TNFSF12: variants seen among roughly 807,000 people sequenced by gnomAD.
The protein encoded by TNFSF12 is TNF superfamily member 12, also known as tumor necrosis factor ligand superfamily member 12.
TNFSF12 carries 16 observed loss-of-function variants against 31.2 expected under a neutral mutation model. The ratio of observed to expected loss-of-function variants is 0.51; its 90% confidence interval spans 0.35 to 0.78. The LOEUF is 0.78. TNFSF12 is among the 30% of genes least tolerant of loss of function. TNFSF12 has a pLI of 0.01. For synonymous variants in TNFSF12, 150 were observed against 151.4 expected, an observed-to-expected ratio of 0.99 and a Z score of 0.07; for missense variants, 324 against 338.8, an observed-to-expected ratio of 0.96 and a Z score of 0.34.
intron 5 of TNFSF12, among the ~76,000 whole-genome samples, chr17:7,553,045 T>C (rs1457641637): frequency 1.6e-4 from 14 of 85,970 alleles, no homozygotes; most frequent in Admixed American, 1.1e-3. Context: ...TTTTTTTTTT[T>C]TTTTTTTTTT....
chr17:7,554,831 A>ATG, intron 5 of TNFSF12, among the ~76,000 whole-genome samples: 2 of 149,926 alleles, frequency 1.3e-5, no homozygotes, highest in South Asian at 4.2e-4. Context: ...GTTAGCCAGG[A>ATG]GCGTCTCGAT....
rs979617114 is a variant in TNFSF12, at chr17:7,549,415, G to A, written c.160-59G>A. 5 of 1,444,342 alleles carry A rather than the reference G, an allele frequency of 3.5e-6. No individual in the cohort carries two copies. Among genetic ancestry groups the A allele is most frequent in the Non-Finnish European group, 3.7e-6 (4 of 1,084,174 alleles). 89.5% of individuals were successfully genotyped at this position (1,444,342 alleles called of 1,614,324 possible). ...CTGAAGGCAAGGGGAAGGGAGGATGGGTGGAGGGTGAGATGTCAGGTGGAG... is the reference window on the plus strand; with the variant it reads ...CTGAAGGCAAGGGGAAGGGAGGATGAGTGGAGGGTGAGATGTCAGGTGGAG... On this transcript the variant is annotated intron_variant, in intron 1 of 6. Coordinates refer to ENST00000293825, the MANE Select transcript of TNFSF12 (RefSeq NM_003809.3). This position sits in a 1 kb window ranked among gnomAD's most constrained non-coding sequence, Gnocchi z 4.1.
At chr17:7,554,070 A>G (rs1287003653) in intron 5 of TNFSF12, among the ~76,000 whole-genome samples, 1 of 152,194 alleles carries the variant, frequency 6.6e-6, no homozygotes, top group East Asian at 1.9e-4. Flanking sequence ...GCTCCTGGGC[A>G]CACCATGCCC....
In TNFSF12 at chr17:7,553,730, GGGCC is replaced by G; in HGVS notation, c.373+2753_373+2756del. ...GTGCAGGGGTGAGGGGTCCATGCAG[GGGCC>G]ACATCCAAAAAGGGGAGAGGGAAGT... On this transcript the variant is annotated intron_variant, in intron 5 of 6. Transcript: ENST00000293825. 5 of 1,255,314 alleles carry G rather than the reference GGGCC, an allele frequency of 4.0e-6. No homozygotes were observed. In the Admixed American group the frequency reaches 8.0e-5, roughly 20 times the overall value. The allele number at this position is 1,255,314 out of a possible 1,614,324, so 77.8% of individuals were successfully genotyped here.
chr17:7,555,973 G>GTTTGTTTTTT (rs1555564688), intron 5 of TNFSF12, among the ~76,000 whole-genome samples: 4 of 70,876 alleles, frequency 5.6e-5, no homozygotes, highest in African/African-American at 2.3e-4. Flanking sequence ...CCCAGTGAGC[G>GTTTGTTTTTT]TTTTTTTTGT....
Position 7,549,157 on chromosome 17 carries a change from G to T in TNFSF12, c.4G>T (p.Ala2Ser). The T allele has an allele frequency of 7.8e-7, 1 of 1,280,062 alleles. No individual in the cohort carries two copies. The highest frequency in any genetic ancestry group is 9.8e-7 in the Non-Finnish European group (1 of 1,016,046). The allele number at this position is 1,280,062 out of a possible 1,614,324, so 79.3% of individuals were successfully genotyped here. A position where few individuals can be genotyped will look rare whatever the true frequency, so the allele number is the denominator to read the frequency against. ...GCAGGCACAGCCCCCCGCCCCCATG[G>T]CCGCCCGTCGGAGCCAGAGGCGGAG... Reference protein sequence around the residue: MAARRSQRRRGR... With the variant: MSARRSQRRRGR... Residue 2 changes from alanine to serine, a missense_variant, in exon 1 of 7, where the codon GCC becomes TCC. Transcript: ENST00000293825. This position sits in a 1 kb window ranked among gnomAD's most constrained non-coding sequence, Gnocchi z 4.1.
chr17:7,549,164 G>T lies in TNFSF12; in HGVS notation c.11G>T (p.Arg4Leu). The T allele has an allele frequency of 7.8e-7, 1 of 1,283,116 alleles. No individual in the cohort carries two copies. The highest frequency in any genetic ancestry group is 9.8e-7 in the Non-Finnish European group (1 of 1,017,946). 79.5% of individuals were successfully genotyped at this position (1,283,116 alleles called of 1,614,324 possible). A position where few individuals can be genotyped will look rare whatever the true frequency, so the allele number is the denominator to read the frequency against. MAA[R>L]RSQRRRGRRG... ...CAGCCCCCCGCCCCCATGGCCGCCC[G>T]TCGGAGCCAGAGGCGGAGGGGGCGC... Residue 4 changes from arginine to leucine, a missense_variant, in exon 1 of 7, where the codon CGT becomes CTT. By Grantham distance (102) the Arg-to-Leu change is moderately radical (BLOSUM62 -2). Transcript: ENST00000293825. This position sits in a 1 kb window ranked among gnomAD's most constrained non-coding sequence, Gnocchi z 4.1.
intron 5 of TNFSF12, 45 bp downstream of exon 5, chr17:7,551,023 G>C (rs537090345): frequency 6.2e-7 from 1 of 1,611,886 alleles, no homozygotes; most frequent in African/African-American, 1.3e-5. Flanking sequence ...CTGGGAAAAG[G>C]GCCCTTGAAA....
Position 7,550,192 on chromosome 17 carries a change from A to G in TNFSF12, c.280A>G (p.Ser94Gly). The change falls in exon 3 of 7, where the codon AGT becomes GGT. Residue 94 changes from serine to glycine, a missense_variant. Physicochemically the swap from Ser to Gly is moderately conservative, Grantham distance 56. Coordinates refer to ENST00000293825, the MANE Select transcript of TNFSF12 (RefSeq NM_003809.3). This position sits in a 1 kb window ranked among gnomAD's most constrained non-coding sequence, Gnocchi z 4.4. ...GAACCGACTAGTTCGGCCTCGCAGA[A>G]GTGGTGAGCATCCCTCTATCCCAAC... ...FLNRLVRPRRSAPKGRKTRAR... is the reference protein window; with the variant it reads ...FLNRLVRPRRGAPKGRKTRAR... 2 of 1,614,146 alleles carry G rather than the reference A, an allele frequency of 1.2e-6. No individual in the cohort carries two copies. The highest frequency in any genetic ancestry group is 1.7e-6 in the Non-Finnish European group (2 of 1,180,030).
chr17:7,557,264 TC>T lies in TNFSF12; in HGVS notation c.666del (p.Ser223ProfsTer82). 6.2e-7 allele frequency: 1 copy of T among 1,613,602 alleles called. No homozygotes were observed. Among genetic ancestry groups the T allele is most frequent in the East Asian group, 2.2e-5 (1 of 44,868 alleles). ...VSGLLALRPG[S>X]SLRIRTLPWA... ...TGGGCTGTTGGCCCTGCGGCCAGGGTCCTCCCTGCGGATCCGCACCCTCCCC... is the reference window on the plus strand; with the variant it reads ...TGGGCTGTTGGCCCTGCGGCCAGGGTCTCCCTGCGGATCCGCACCCTCCCC... On this transcript the variant is annotated frameshift_variant, in exon 7 of 7. Coordinates refer to ENST00000293825, the MANE Select transcript of TNFSF12 (RefSeq NM_003809.3). LOFTEE classifies it high-confidence loss of function. The surrounding 1 kb of genome is among the most constrained non-coding windows in gnomAD (Gnocchi z 5.2).
chr17:7,549,939 G>A lies in TNFSF12; in HGVS notation c.208-181G>A, dbSNP rs1220842525. 5 of 798,294 alleles carry A rather than the reference G, an allele frequency of 6.3e-6. No homozygotes were observed. Among genetic ancestry groups the A allele is most frequent in the Non-Finnish European group, 8.0e-6 (4 of 497,354 alleles). The allele number at this position is 798,294 out of a possible 1,614,324, so 49.5% of individuals were successfully genotyped here. A position where few individuals can be genotyped will look rare whatever the true frequency, so the allele number is the denominator to read the frequency against. On this transcript the variant is annotated intron_variant, in intron 2 of 6. Coordinates refer to ENST00000293825, the MANE Select transcript of TNFSF12 (RefSeq NM_003809.3). This position sits in a 1 kb window ranked among gnomAD's most constrained non-coding sequence, Gnocchi z 4.1. ...GTAGCTGGTCTAGAGGAAAGGGTGA[G>A]GACTGGGGCCTGACTCCCAGCTTCA...
chr17:7,552,725 G>C (rs1020472250), intron 5 of TNFSF12, among the ~76,000 whole-genome samples: 7 of 152,174 alleles, frequency 4.6e-5, no homozygotes, highest in Non-Finnish European at 8.8e-5. Flanking sequence ...TCTTGAAGTG[G>C]AGCTGAGGGG....
rs1053761170 is a variant in TNFSF12 at position 7,550,290 on chromosome 17, G to A, written c.283+95G>A. 53 of 1,579,472 alleles carry A rather than the reference G, an allele frequency of 3.4e-5. No homozygotes were observed. The highest frequency in any genetic ancestry group is 4.2e-5 in the Non-Finnish European group (49 of 1,155,986). On this transcript the variant is annotated intron_variant, in intron 3 of 6. Transcript: ENST00000293825. This position sits in a 1 kb window ranked among gnomAD's most constrained non-coding sequence, Gnocchi z 4.4. ...AGGCACGGAGGGTGAAAGGAGTTCA[G>A]AGTCATGCAGCTAACCAGCCAAGAC...
In TNFSF12 at chr17:7,549,832, C is replaced by T; in HGVS notation, c.208-288C>T. The T allele has an allele frequency of 5.0e-6, 3 of 604,296 alleles. No homozygotes were observed. The highest frequency in any genetic ancestry group is 5.8e-6 in the Non-Finnish European group (2 of 343,850). The allele number at this position is 604,296 out of a possible 1,614,324, so 37.4% of individuals were successfully genotyped here. ...GTGTACAGGGTGTGTATCCTCTGTG[C>T]GTGGTGACTGGGTGCGGGCATGTGT... On this transcript the variant is annotated intron_variant, in intron 2 of 6. Transcript: ENST00000293825. The surrounding 1 kb of genome is among the most constrained non-coding windows in gnomAD (Gnocchi z 4.1).
In TNFSF12 at chr17:7,549,102, C is replaced by A. The variant is rs1268457967; in HGVS notation, c.-52C>A. The A allele has an allele frequency of 2.4e-6, 3 of 1,238,706 alleles. No individual in the cohort carries two copies. Among genetic ancestry groups the A allele is most frequent in the African/African-American group, 1.6e-5 (1 of 64,026 alleles). The allele number at this position is 1,238,706 out of a possible 1,614,324, so 76.7% of individuals were successfully genotyped here. ...CCCGCCGGCTCCCCCTCCCCCGATC[C>A]CTCGGGTCCCGGGATGGGGGGGCGG... On this transcript the variant is annotated 5_prime_UTR_variant, in exon 1 of 7. Coordinates refer to ENST00000293825, the MANE Select transcript of TNFSF12 (RefSeq NM_003809.3). This position sits in a 1 kb window ranked among gnomAD's most constrained non-coding sequence, Gnocchi z 4.1.
In TNFSF12 at chr17:7,557,544, C is replaced by T. The variant is rs1171371456; in HGVS notation, c.*194C>T. 2 of 759,686 alleles carry T rather than the reference C, an allele frequency of 2.6e-6. No homozygotes were observed. The highest frequency in any genetic ancestry group is 2.9e-5 in the East Asian group (1 of 34,782). 47.1% of individuals were successfully genotyped at this position (759,686 alleles called of 1,614,324 possible). ...GTATTCCCACTCTTATCTTACAACT[C>T]CCCCACCGCCCACTCTCCACCTCAC... is the stretch of plus-strand genomic sequence containing the variant. On this transcript the variant is annotated 3_prime_UTR_variant, in exon 7 of 7. Coordinates refer to ENST00000293825, the MANE Select transcript of TNFSF12 (RefSeq NM_003809.3). This position sits in a 1 kb window ranked among gnomAD's most constrained non-coding sequence, Gnocchi z 5.2.
At chr17:7,554,781 A>AT (rs1276022554) in intron 5 of TNFSF12, among the ~76,000 whole-genome samples, 14 of 132,090 alleles carry the variant, frequency 1.1e-4, no homozygotes, top group East Asian at 4.7e-4. Flanking sequence ...CGCCTGGCTA[A>AT]TTTTTTTTTT....
In TNFSF12 at chr17:7,549,529, G is replaced by A. The variant is rs2070975731; in HGVS notation, c.207+8G>A. 1.3e-6 allele frequency: 2 copies of A among 1,548,702 alleles called. No homozygotes were observed. The highest frequency in any genetic ancestry group is 1.2e-5 in the South Asian group (1 of 83,954). On this transcript the variant is annotated splice_region_variant and intron_variant, in intron 2 of 6. Coordinates refer to ENST00000293825, the MANE Select transcript of TNFSF12 (RefSeq NM_003809.3). The surrounding 1 kb of genome is among the most constrained non-coding windows in gnomAD (Gnocchi z 4.1). ...GAGGACCAGGACCCGTCGGTGAGTG[G>A]GCGTGGGCGCGGTCTGCAGGCTGCT...
chr17:7,557,739 T>G lies in TNFSF12; in HGVS notation c.*389T>G. The G allele has an allele frequency of 5.2e-6, 1 of 191,914 alleles. No homozygotes were observed. Among genetic ancestry groups the G allele is most frequent in the Non-Finnish European group, 1.1e-5 (1 of 93,684 alleles). 11.9% of individuals were successfully genotyped at this position (191,914 alleles called of 1,614,324 possible). ...CCTGGCGGCAGGAAGCCAAAGAGACTGGGCCTAGGCCAGGAGTTCCCAAAT... is the reference window on the plus strand; with the variant it reads ...CCTGGCGGCAGGAAGCCAAAGAGACGGGGCCTAGGCCAGGAGTTCCCAAAT... On this transcript the variant is annotated 3_prime_UTR_variant, in exon 7 of 7. Coordinates refer to ENST00000293825, the MANE Select transcript of TNFSF12 (RefSeq NM_003809.3). The surrounding 1 kb of genome is among the most constrained non-coding windows in gnomAD (Gnocchi z 5.2).
Sources: gnomAD v4.1 joint callset for allele counts (sites outside exome capture counted in the v4.1 genomes callset) on GRCh38, gnomAD v4.1.1 for gene constraint, Gnocchi (gnomAD v3.1) non-coding constraint, MANE v1.5 for transcripts, NCBI Gene and HGNC (gene_info 2026-07-23, HGNC 2026-07-21) for gene names.